Variants in FBXO28 observed in about 807,000 individuals in gnomAD.
The protein encoded by FBXO28 is F-box protein 28, also known as F-box only protein 28.
A neutral mutation model predicts 38.1 loss-of-function variants in FBXO28; 8 were observed. The observed-to-expected ratio is 0.21, with a 90% CI of 0.12 to 0.38. The LOEUF (loss-of-function observed/expected upper bound fraction) is 0.38. Among genes scored for constraint, FBXO28 ranks in the 10% least tolerant of loss-of-function variants. The pLI is 1.00. For missense variants in FBXO28, 345 were observed against 460.6 expected (o/e 0.75, Z 2.30); for synonymous variants, 168 against 173.8 (o/e 0.97, Z 0.26).
chr1:224,142,071 G>A (rs1312812747), intron 3 of FBXO28, among the ~76,000 whole-genome samples: 2 of 151,150 alleles, frequency 1.3e-5, no homozygotes, highest in African/African-American at 2.4e-5. Flanking sequence ...AATTTTTGGG[G>A]CCAGGCATGG....
chr1:224,139,977 G>C (rs1008106541), intron 3 of FBXO28, among the ~76,000 whole-genome samples: 3 of 152,134 alleles, frequency 2.0e-5, no homozygotes, highest in African/African-American at 7.2e-5. Context: ...TGTAGCCCCA[G>C]CTCCTTGGGC....
intron 1 of FBXO28, among the ~76,000 whole-genome samples, chr1:224,128,587 A>C (rs1047171286): frequency 1.3e-5 from 2 of 152,192 alleles, no homozygotes; most frequent in Admixed American, 6.6e-5. Context: ...TCTTACAGGT[A>C]GCTGACTCAG....
intron 3 of FBXO28, among the ~76,000 whole-genome samples, chr1:224,140,637 G>C (rs1459422116): frequency 6.6e-6 from 1 of 152,088 alleles, no homozygotes; most frequent in African/African-American, 2.4e-5. Flanking sequence ...ATAAAAGTCT[G>C]TTTTCATATT....
At position 224,144,003 on chromosome 1, in the gene FBXO28, T is replaced by C. The variant is rs370256675; in HGVS notation, c.517-9139T>C. On this transcript the variant is annotated intron_variant, in intron 3 of 4. Coordinates refer to ENST00000366862, the MANE Select transcript of FBXO28 (RefSeq NM_015176.4). The stretch of plus-strand genomic sequence containing the variant: ...CATCCTCTACTAAAAATACAAAATT[T>C]AGCCAGGCATGGTGGCATGCACCTG... Among the ~76,000 whole-genome samples, 10 of 151,394 alleles carry C rather than the reference T, an allele frequency of 6.6e-5. No individual in the cohort carries two copies. In the East Asian group the frequency reaches 1.8e-3, roughly 27 times the overall value.
chr1:224,147,284 G>T (rs1193354984), intron 3 of FBXO28, among the ~76,000 whole-genome samples: 2 of 151,542 alleles, frequency 1.3e-5, no homozygotes, highest in African/African-American at 4.8e-5. Context: ...TTAGCTGGGC[G>T]TGGTGGCAAG....
chr1:224,134,242 T>G (rs753320657), intron 3 of FBXO28, 30 bp downstream of exon 3: 12 of 1,606,742 alleles, frequency 7.5e-6, no homozygotes, highest in Non-Finnish European at 1.0e-5. Flanking sequence ...CTAGAACAGC[T>G]GGACTGCCCT....
Position 224,160,118 on chromosome 1 carries a change from T to C in FBXO28, c.*2372T>C, listed in dbSNP as rs1324678722. On this transcript the variant is annotated 3_prime_UTR_variant, in exon 5 of 5. Transcript: ENST00000366862. Reference sequence around the variant, plus strand: ...ATTTAGCTAAAACATGTTAGGATATTGCCTTCACCACTTGTTAGGACAGTT... The same window carrying C: ...ATTTAGCTAAAACATGTTAGGATATCGCCTTCACCACTTGTTAGGACAGTT... 2 of 152,202 alleles carry C rather than the reference T, an allele frequency of 1.3e-5. No individual in the cohort carries two copies. The highest frequency in any genetic ancestry group is 4.8e-5 in the African/African-American group (2 of 41,460). 9.4% of individuals were successfully genotyped at this position (152,202 alleles called of 1,614,324 possible).
At chr1:224,126,285 A>G (rs1656902401) in intron 1 of FBXO28, among the ~76,000 whole-genome samples, 1 of 152,252 alleles carries the variant, frequency 6.6e-6, no homozygotes, top group Non-Finnish European at 1.5e-5. Flanking sequence ...GAAGTTAGCT[A>G]GATTCAGTGC....
chr1:224,153,156 T>A lies in FBXO28; in HGVS notation c.531T>A (p.Ile177=). 1 of 1,597,574 alleles carries A rather than the reference T, an allele frequency of 6.3e-7. No homozygotes were observed. The highest frequency in any genetic ancestry group is 8.5e-7 in the Non-Finnish European group (1 of 1,175,990). ...CATTATTTTAGGTGATTGATGAGAT[T>A]TATCGTGTGTTGAGATATGTCAATT... ...CFIPGKVIDE[I]YRVLRYVNST... Residue 177 remains isoleucine, a synonymous_variant, in exon 4 of 5, where the codon ATT becomes ATA. Transcript: ENST00000366862.
At chr1:224,117,588 T>A (rs1297890811) in intron 1 of FBXO28, among the ~76,000 whole-genome samples, 1 of 152,146 alleles carries the variant, frequency 6.6e-6, no homozygotes, top group African/African-American at 2.4e-5. Context: ...TGACAAAACA[T>A]GTACTTTGAG....
At chr1:224,127,960 G>A (rs539760724) in intron 1 of FBXO28, among the ~76,000 whole-genome samples, 1 of 152,214 alleles carries the variant, frequency 6.6e-6, no homozygotes, top group African/African-American at 2.4e-5. Flanking sequence ...AAAGTTTATT[G>A]TGCTTTAATT....
chr1:224,115,253 T>C (rs3767730), intron 1 of FBXO28, among the ~76,000 whole-genome samples: 78,488 of 152,050 alleles, frequency 0.52, 21,281 homozygotes, highest in South Asian at 0.61. Flanking sequence ...TGGTGATTGT[T>C]AGTTCAGTTA....
At chr1:224,133,526 T>A (rs1332580595) in intron 2 of FBXO28, among the ~76,000 whole-genome samples, 1 of 152,152 alleles carries the variant, frequency 6.6e-6, no homozygotes, top group Non-Finnish European at 1.5e-5. Flanking sequence ...TACTTTTATT[T>A]TTATTTTTGA....
intron 2 of FBXO28, among the ~76,000 whole-genome samples, chr1:224,133,382 C>T (rs1298620700): frequency 6.6e-6 from 1 of 152,064 alleles, no homozygotes; most frequent in Non-Finnish European, 1.5e-5. Context: ...TCTTAAATTG[C>T]TAAAAAGTTT....
chr1:224,134,335 ATTTG>A lies in FBXO28; in HGVS notation c.516+128_516+131del, dbSNP rs558413074. The stretch of plus-strand genomic sequence containing the variant: ...TACTTCTCTGAGTTTCTACTAATGA[ATTTG>A]TTTGCTTTCTGTACAGTTATAAATA... On this transcript the variant is annotated intron_variant, in intron 3 of 4. Transcript: ENST00000366862. The A allele has an allele frequency of 1.5e-3, 1,346 of 875,342 alleles. 8 individuals carry two copies. The highest frequency in any genetic ancestry group is 8.7e-3 in the Middle Eastern group (28 of 3,216). The allele number at this position is 875,342 out of a possible 1,614,324, so 54.2% of individuals were successfully genotyped here. A position where few individuals can be genotyped will look rare whatever the true frequency, so the allele number is the denominator to read the frequency against.
At chr1:224,143,552 T>C (rs577321232) in intron 3 of FBXO28, among the ~76,000 whole-genome samples, 112 of 152,270 alleles carry the variant, frequency 7.4e-4, no homozygotes, top group Non-Finnish European at 1.1e-3. Context: ...AGGACGGGTG[T>C]GGTGGCTCAC....
intron 1 of FBXO28, among the ~76,000 whole-genome samples, chr1:224,122,243 G>A (rs550723641): frequency 1.9e-4 from 29 of 152,136 alleles, no homozygotes; most frequent in African/African-American, 5.8e-4. Context: ...TGATTTTTTC[G>A]TCCATCATTA....
chr1:224,118,012 T>A (rs1295743804), intron 1 of FBXO28, among the ~76,000 whole-genome samples: 12 of 149,816 alleles, frequency 8.0e-5, no homozygotes, highest in African/African-American at 3.0e-4. Flanking sequence ...TTTATTTATT[T>A]ATTTATTTAT....
chr1:224,121,412 C>A (rs1008200703), intron 1 of FBXO28, among the ~76,000 whole-genome samples: 1 of 152,054 alleles, frequency 6.6e-6, no homozygotes, highest in Admixed American at 6.5e-5. Context: ...GTAATTCTAC[C>A]AGCAGATAAT....
Sources: allele counts gnomAD v4.1 joint callset (sites outside exome capture counted in the v4.1 genomes callset), GRCh38; gene constraint gnomAD v4.1.1; transcripts MANE v1.5; gene names NCBI Gene and HGNC (gene_info 2026-07-23, HGNC 2026-07-21).